Variants in TUBG2 observed in about 807,000 individuals in gnomAD.
The protein encoded by TUBG2 is tubulin gamma-2 chain.
Under a neutral mutation model 55.1 loss-of-function variants are expected in TUBG2, and 39 were observed. The ratio of observed to expected loss-of-function variants is 0.71; its 90% CI spans 0.55 to 0.93. The LOEUF is 0.93. Ranked by LOEUF, TUBG2 falls within the 40% of genes least tolerant of loss-of-function variation. The probability of loss-of-function intolerance (pLI) is 0.00; values close to 1 mark genes in which losing one functional copy is unlikely to be tolerated. For missense variants in TUBG2, 358 were observed against 599.1 expected (o/e 0.60, Z 4.20); for synonymous variants, 223 against 241.0 (o/e 0.93, Z 0.69).
chr17:42,660,794 G>A (rs939268061), intron 4 of TUBG2, 87 bp downstream of exon 4: 1 of 1,129,280 alleles, frequency 8.9e-7, no homozygotes, highest in Non-Finnish European at 1.3e-6. Flanking sequence ...TAGGTAATAT[G>A]AGGGGAGCAA....
Position 42,666,761 on chromosome 17 carries a change from C to G in TUBG2, c.1317C>G (p.Thr439=). 6.2e-7 allele frequency: 1 copy of G among 1,614,108 alleles called. No individual in the cohort carries two copies. Among genetic ancestry groups the G allele is most frequent in the South Asian group, 1.1e-5 (1 of 91,072 alleles). Reference sequence around the variant, plus strand: ...TCATTGATGAGTACCATGCGGCCACCCAGCCAGACTACATTTCCTGGGGCA... The same window carrying G: ...TCATTGATGAGTACCATGCGGCCACGCAGCCAGACTACATTTCCTGGGGCA... ...QELIDEYHAA[T]QPDYISWGTQ... Residue 439 remains threonine, a synonymous_variant, in exon 11 of 11, where the codon ACC becomes ACG. Coordinates refer to ENST00000251412, the MANE Select transcript of TUBG2 (RefSeq NM_016437.3).
intron 6 of TUBG2, among the ~76,000 whole-genome samples, chr17:42,664,947 A>G (rs982781507): frequency 6.7e-6 from 1 of 148,572 alleles, no homozygotes; most frequent in Non-Finnish European, 1.5e-5. Flanking sequence ...CTGGTGTCCA[A>G]CTCCTGGCCT....
chr17:42,662,631 G>A (rs1051665746), intron 4 of TUBG2, among the ~76,000 whole-genome samples: 13 of 151,824 alleles, frequency 8.6e-5, no homozygotes, highest in African/African-American at 3.1e-4. Context: ...TGAAAATACC[G>A]TAAGTAGAAA....
In TUBG2 at chr17:42,665,800, C is replaced by A; in HGVS notation, c.816C>A (p.Gly272=). The A allele has an allele frequency of 6.2e-7, 1 of 1,614,226 alleles. No individual in the cohort carries two copies. The highest frequency in any genetic ancestry group is 8.5e-7 in the Non-Finnish European group (1 of 1,180,032). Residue 272 remains glycine, a synonymous_variant, in exon 8 of 11, where the codon GGC becomes GGA. Coordinates refer to ENST00000251412, the MANE Select transcript of TUBG2 (RefSeq NM_016437.3). ...PTPRLHFLMT[G]YTPLTTDQSV... ...CACGGCTCCACTTCCTCATGACCGGCTACACCCCGCTCACTACAGACCAGT... is the reference window on the plus strand; with the variant it reads ...CACGGCTCCACTTCCTCATGACCGGATACACCCCGCTCACTACAGACCAGT...
At chr17:42,661,167 A>G (rs149577861) in intron 4 of TUBG2, 1 of 160,824 alleles carries the variant, frequency 6.2e-6, no homozygotes, top group East Asian at 1.7e-4. Flanking sequence ...TTTTGTTAAA[A>G]TATTTGACCT....
chr17:42,666,779 C>A lies in TUBG2; in HGVS notation c.1335C>A (p.Ser445=), dbSNP rs768010846. The change falls in exon 11 of 11, where the codon TCC becomes TCA. Residue 445 remains serine (S), a synonymous_variant. Coordinates refer to ENST00000251412, the MANE Select transcript of TUBG2 (RefSeq NM_016437.3). ...CGGCCACCCAGCCAGACTACATTTC[C>A]TGGGGCACCCAGGAGCAGTGATTTC... ...YHAATQPDYI[S]WGTQEQ is the part of the protein sequence containing the mutation. 1.9e-6 allele frequency: 3 copies of A among 1,614,082 alleles called. No individual in the cohort carries two copies. The South Asian group carries it at 3.3e-5, about 18-fold the overall frequency.
intron 8 of TUBG2, 108 bp downstream of exon 8, chr17:42,665,935 C>G: frequency 3.8e-6 from 6 of 1,589,278 alleles, no homozygotes; most frequent in Non-Finnish European, 5.1e-6. Context: ...TTTGCAGGCC[C>G]CAAGGCACTG....
In TUBG2 at chr17:42,663,123, G is replaced by A; in HGVS notation, c.479+71G>A. 3.9e-6 allele frequency: 6 copies of A among 1,531,980 alleles called. No homozygotes were observed. In the South Asian group the frequency reaches 5.8e-5, roughly 15 times the overall value. 94.9% of individuals were successfully genotyped at this position (1,531,980 alleles called of 1,614,324 possible). A position where few individuals can be genotyped will look rare whatever the true frequency, so the allele number is the denominator to read the frequency against. On this transcript the variant is annotated intron_variant, in intron 5 of 10. Coordinates refer to ENST00000251412, the MANE Select transcript of TUBG2 (RefSeq NM_016437.3). ...TAATGTCATTGCTTTTTTCTCTTGA[G>A]CTAGAAAGTCTGCCACTACCCCTTT...
chr17:42,666,704 G>A lies in TUBG2; in HGVS notation c.1260G>A (p.Glu420=). 1 of 1,614,212 alleles carries A rather than the reference G, an allele frequency of 6.2e-7. No individual in the cohort carries two copies. The highest frequency in any genetic ancestry group is 8.5e-7 in the Non-Finnish European group (1 of 1,180,020). ...KEDMFKDNFD[E]MDRSREVVQE... ...ACATGTTCAAGGACAACTTTGATGAGATGGACAGGTCTAGGGAGGTTGTTC... is the reference window on the plus strand; with the variant it reads ...ACATGTTCAAGGACAACTTTGATGAAATGGACAGGTCTAGGGAGGTTGTTC... Residue 420 remains glutamate (E), a synonymous_variant, in exon 11 of 11, where the codon GAG becomes GAA. Transcript: ENST00000251412.
chr17:42,662,431 C>A (rs963089574), intron 4 of TUBG2, among the ~76,000 whole-genome samples: 10 of 152,046 alleles, frequency 6.6e-5, no homozygotes, highest in African/African-American at 2.2e-4. Flanking sequence ...CATGGTGAAA[C>A]CCCGTATCTA....
rs2052536146 is a variant in TUBG2 at position 42,666,199 on chromosome 17, C to A, written c.956C>A (p.Ala319Asp). 1 of 1,613,872 alleles carries A rather than the reference C, an allele frequency of 6.2e-7. No homozygotes were observed. Among genetic ancestry groups the A allele is most frequent in the African/African-American group, 1.3e-5 (1 of 74,926 alleles). The change falls in exon 9 of 11, where the codon GCC becomes GAC. Residue 319 changes from alanine to aspartate, a missense_variant. Coordinates refer to ENST00000251412, the MANE Select transcript of TUBG2 (RefSeq NM_016437.3). ...RDRQTNHCYI[A>D]ILNIIQGEVD... is the part of the protein sequence containing the mutation. Reference sequence around the variant, plus strand: ...CGCCAGACCAACCACTGCTACATCGCCATCCTCAACATCATCCAGGGAGAG... The same window carrying A: ...CGCCAGACCAACCACTGCTACATCGACATCCTCAACATCATCCAGGGAGAG...
At chr17:42,661,192 C>T (rs56173212) in intron 4 of TUBG2, 4,625 of 161,930 alleles carry the variant, frequency 0.029, 213 homozygotes, top group African/African-American at 0.098. Context: ...TCCTTGGTTT[C>T]TGAAACAGCT....
rs537304101 is a variant in TUBG2 at position 42,665,884 on chromosome 17, C to T, written c.843+57C>T. 3.4e-5 allele frequency: 54 copies of T among 1,609,522 alleles called. No individual in the cohort carries two copies. The East Asian group carries it at 1.2e-3, about 35-fold the overall frequency. ...CTGGCCCTGGGCCCAGCAGGCCCTG[C>T]CCCAGCCTTTCTCTCTTCCCCACTG... On this transcript the variant is annotated intron_variant, in intron 8 of 10. Transcript: ENST00000251412.
At chr17:42,660,789 A>G (rs774132357) in intron 4 of TUBG2, 82 bp downstream of exon 4, 48 of 1,187,330 alleles carry the variant, frequency 4.0e-5, no homozygotes, top group Admixed American at 2.1e-4. Flanking sequence ...CTGGATAGGT[A>G]ATATGAGGGG....
At chr17:42,664,012 A>G (rs1279157634) in intron 6 of TUBG2, among the ~76,000 whole-genome samples, 1 of 151,332 alleles carries the variant, frequency 6.6e-6, no homozygotes, top group Non-Finnish European at 1.5e-5. Flanking sequence ...AGGCTGAGGC[A>G]GGAGAATCAC....
intron 5 of TUBG2, 59 bp downstream of exon 5, chr17:42,663,111 T>G (rs1359101978): frequency 1.3e-6 from 2 of 1,564,240 alleles, no homozygotes; most frequent in Non-Finnish European, 1.8e-6. Flanking sequence ...TGTCATTGCT[T>G]TTTTCTCTTG....
intron 8 of TUBG2, 23 bp downstream of exon 8, chr17:42,665,850 C>T: frequency 6.2e-7 from 1 of 1,614,004 alleles, no homozygotes; most frequent in Middle Eastern, 1.7e-4. Flanking sequence ...TTCAGTGTCC[C>T]AGGCCAGGCT....
chr17:42,665,354 T>C (rs772859441), intron 6 of TUBG2, 122 bp from the exon 7 acceptor site: 17 of 1,566 alleles, frequency 0.011, no homozygotes, highest in South Asian at 0.025. Flanking sequence ...GCCTCAGTAC[T>C]TTTTTTTTTT....
At chr17:42,660,518 C>A in intron 3 of TUBG2, 121 bp from the exon 4 acceptor site, 1 of 1,293,794 alleles carries the variant, frequency 7.7e-7, no homozygotes, top group Non-Finnish European at 1.1e-6. Flanking sequence ...GGGCTACAGC[C>A]TAGGCTCTGC....
Sources: allele counts gnomAD v4.1 joint callset (sites outside exome capture counted in the v4.1 genomes callset), GRCh38; gene constraint gnomAD v4.1.1; transcripts MANE v1.5; gene names NCBI Gene and HGNC (gene_info 2026-07-23, HGNC 2026-07-21).